Variants in OPCML observed in about 807,000 individuals in gnomAD.
OPCML encodes the protein opioid binding protein/cell adhesion molecule like.
In OPCML, 13 loss-of-function variants were observed where a neutral mutation model predicts 37.8. The ratio of observed to expected loss-of-function variants is 0.34; its 90% CI spans 0.22 to 0.55. The LOEUF is 0.55. Among genes scored for constraint, OPCML ranks in the 20% least tolerant of loss-of-function variants. OPCML has a pLI of 0.91. For synonymous variants in OPCML, 176 were observed against 168.8 expected, an observed-to-expected ratio of 1.04 and a Z score of -0.33; for missense variants, 341 against 435.6, an observed-to-expected ratio of 0.78 and a Z score of 1.93.
intron 2 of OPCML, among the ~76,000 whole-genome samples, chr11:132,685,474 A>G (rs1204037022): frequency 4.6e-5 from 7 of 152,206 alleles, no homozygotes; most frequent in African/African-American, 2.4e-5. Flanking sequence ...CCCAGTCTGG[A>G]GCCACCACTT....
chr11:132,600,078 A>G (rs1238145893), intron 3 of OPCML, among the ~76,000 whole-genome samples: 1 of 152,198 alleles, frequency 6.6e-6, no homozygotes, highest in African/African-American at 2.4e-5. Context: ...AGCCCACAGC[A>G]TAGCTGTGGG....
intron 2 of OPCML, among the ~76,000 whole-genome samples, chr11:132,761,225 T>C (rs1252730558): frequency 6.7e-6 from 1 of 148,900 alleles, no homozygotes; most frequent in African/African-American, 2.5e-5. Context: ...CTGGCTGCGC[T>C]TAACTTTTTT....
At position 133,211,506 on chromosome 11, in the gene OPCML, T is replaced by C. The variant is rs1028391396; in HGVS notation, c.62-268496A>G. 8.6e-5 allele frequency among the ~76,000 whole-genome samples: 13 copies of C among 151,684 alleles called. No homozygotes were observed. The highest frequency in any genetic ancestry group is 7.3e-5 in the Non-Finnish European group (5 of 68,032). ...TGGAGATACCCCTCCTCAGACACTG[T>C]TGCATATAAGTCAGAGGAGGGGCTT... On this transcript the variant is annotated intron_variant, in intron 1 of 7. Transcript: ENST00000524381. This position sits in a 1 kb window ranked among gnomAD's most constrained non-coding sequence, Gnocchi z 4.1.
intron 4 of OPCML, among the ~76,000 whole-genome samples, chr11:132,487,710 G>T (rs1162997622): frequency 6.6e-6 from 1 of 152,160 alleles, no homozygotes; most frequent in Non-Finnish European, 1.5e-5. Context: ...TAGAGTCACA[G>T]AAATGCTTTG....
intron 1 of OPCML, among the ~76,000 whole-genome samples, chr11:133,367,278 G>C (rs1468612971): frequency 6.6e-6 from 1 of 152,174 alleles, no homozygotes; most frequent in Admixed American, 6.5e-5. Flanking sequence ...CACCCAGCCG[G>C]AATGCAGGAG....
intron 1 of OPCML, among the ~76,000 whole-genome samples, chr11:133,344,818 C>A (rs1943958765): frequency 6.6e-6 from 1 of 152,198 alleles, no homozygotes; most frequent in East Asian, 1.9e-4. Context: ...ACAACCCCTG[C>A]CTCAGCACCT....
intron 2 of OPCML, among the ~76,000 whole-genome samples, chr11:132,739,032 TA>T (rs148652769): frequency 0.028 from 4,255 of 152,278 alleles, 127 homozygotes; most frequent in African/African-American, 0.077. Flanking sequence ...AAAGCAGGCT[TA>T]GACCCTTAAT....
rs1939346212 is a variant in OPCML, at chr11:133,211,263, T to C, written c.62-268253A>G. Among the ~76,000 whole-genome samples, 1 of 152,186 alleles carries C rather than the reference T, an allele frequency of 6.6e-6. No homozygotes were observed. The highest frequency in any genetic ancestry group is 1.5e-5 in the Non-Finnish European group (1 of 68,040). On this transcript the variant is annotated intron_variant, in intron 1 of 7. Transcript: ENST00000524381. The surrounding 1 kb of genome is among the most constrained non-coding windows in gnomAD (Gnocchi z 4.1). ...AGTGAGTGAGGTGGTGGACATTTGTTATTTTTAGAGCCTCTAATTGAGACC... is the reference window on the plus strand; with the variant it reads ...AGTGAGTGAGGTGGTGGACATTTGTCATTTTTAGAGCCTCTAATTGAGACC...
intron 1 of OPCML, among the ~76,000 whole-genome samples, chr11:133,474,340 T>C (rs886322179): frequency 6.6e-6 from 1 of 152,224 alleles, no homozygotes; most frequent in Non-Finnish European, 1.5e-5. Flanking sequence ...CTGTCAATCA[T>C]GTTTCTCATT....
At chr11:132,823,053 A>G (rs1024960816) in intron 2 of OPCML, among the ~76,000 whole-genome samples, 16 of 152,218 alleles carry the variant, frequency 1.1e-4, no homozygotes, top group Non-Finnish European at 1.9e-4. Flanking sequence ...CTTTGAATGT[A>G]TTTCTTCATA....
intron 2 of OPCML, among the ~76,000 whole-genome samples, chr11:132,810,039 C>G (rs144139126): frequency 6.6e-4 from 101 of 152,062 alleles, no homozygotes; most frequent in Non-Finnish European, 7.2e-4. Flanking sequence ...TTAGTAGAGA[C>G]GGGATTTCAC....
intron 1 of OPCML, among the ~76,000 whole-genome samples, chr11:132,964,867 T>C (rs979696402): frequency 6.6e-6 from 1 of 152,120 alleles, no homozygotes; most frequent in African/African-American, 2.4e-5. Context: ...AAACTGAGGC[T>C]CAGAAAGTTT....
intron 2 of OPCML, among the ~76,000 whole-genome samples, chr11:132,672,858 G>A (rs1213273354): frequency 6.6e-6 from 1 of 152,026 alleles, no homozygotes; most frequent in Non-Finnish European, 1.5e-5. Flanking sequence ...CATGCTTAGG[G>A]GCCAACATAT....
At chr11:133,340,497 CA>C (rs145787630) in intron 1 of OPCML, among the ~76,000 whole-genome samples, 7,263 of 152,118 alleles carry the variant, frequency 0.048, 465 homozygotes, top group African/African-American at 0.14. Flanking sequence ...TTCTAGCCCA[CA>C]AATTAACACC....
chr11:133,136,828 CGTGT>C (rs141952561), intron 1 of OPCML, among the ~76,000 whole-genome samples: 15,860 of 126,200 alleles, frequency 0.13, 943 homozygotes, highest in Non-Finnish European at 0.17. Context: ...TCTATGTGCA[CGTGT>C]GTGTGTGTGT....
intron 4 of OPCML, among the ~76,000 whole-genome samples, chr11:132,508,470 C>A (rs72653404): frequency 1.3e-5 from 1 of 75,044 alleles, no homozygotes; most frequent in Non-Finnish European, 3.0e-5. Flanking sequence ...CCAAAAAAAA[C>A]ATTGGACAAA....
At chr11:132,449,709 A>G (rs1210693744) in intron 4 of OPCML, among the ~76,000 whole-genome samples, 1 of 152,160 alleles carries the variant, frequency 6.6e-6, no homozygotes, top group African/African-American at 2.4e-5. Context: ...GAAGCTGAGG[A>G]GGCCAAGGTT....
intron 1 of OPCML, among the ~76,000 whole-genome samples, chr11:133,210,699 G>A (rs113024972): frequency 1.6e-4 from 24 of 151,954 alleles, no homozygotes; most frequent in African/African-American, 4.6e-4. Flanking sequence ...TTTCTTTTGG[G>A]GTAAATGTGA....
chr11:132,704,687 G>A (rs1237326650), intron 2 of OPCML, among the ~76,000 whole-genome samples: 5 of 152,184 alleles, frequency 3.3e-5, no homozygotes, highest in Admixed American at 3.3e-4. Flanking sequence ...ATAAGTTTGA[G>A]CAATGGATGA....
Sources: allele counts gnomAD v4.1 joint callset (sites outside exome capture counted in the v4.1 genomes callset), GRCh38; gene constraint gnomAD v4.1.1; non-coding constraint Gnocchi (gnomAD v3.1); transcripts MANE v1.5; gene names NCBI Gene and HGNC (gene_info 2026-07-23, HGNC 2026-07-21).